The following ZNF831 variants were observed in gnomAD, a reference collection of about 807,000 sequenced individuals.
The protein encoded by ZNF831 is chromosome 20 open reading frame 174.
ZNF831 carries 59 observed loss-of-function variants against 95.8 expected under a neutral mutation model. That is an observed-to-expected ratio of 0.62 (90% CI 0.50 to 0.77). The LOEUF (loss-of-function observed/expected upper bound fraction) is 0.77. ZNF831 is among the 30% of genes least tolerant of loss of function. ZNF831 has a pLI of 0.00. For missense variants in ZNF831, 2,205 were observed against 2,164.0 expected, an observed-to-expected ratio of 1.02 and a Z score of -0.38; for synonymous variants, 961 against 925.5, an observed-to-expected ratio of 1.04 and a Z score of -0.70.
Position 59,253,049 on chromosome 20 carries a change from A to C in ZNF831, c.4099A>C (p.Lys1367Gln). 1 of 1,614,192 alleles carries C rather than the reference A, an allele frequency of 6.2e-7. No homozygotes were observed. The highest frequency in any genetic ancestry group is 8.5e-7 in the Non-Finnish European group (1 of 1,180,014). Residue 1367 changes from lysine to glutamine, a missense_variant, in exon 5 of 6, where the codon AAG (lysine) becomes CAG (glutamine). Coordinates refer to ENST00000371030, the MANE Select transcript of ZNF831 (RefSeq NM_178457.3). ...TCCTTGTTGTGGGAAGGAAGAGAAG[A>C]AGGAAGGTGACTGCAGACAAACCTT... The part of the protein sequence containing the change: ...SPPCCGKEEK[K>Q]EGDCRQTLGT...
In ZNF831 at chr20:59,127,779, G is replaced by A. The variant is rs77926825; in HGVS notation, c.-1425+4274G>A. The stretch of plus-strand genomic sequence containing the variant: ...CTGTAGCACCCTCCACCCCCAGGAA[G>A]CATTTCTCAAATGAGCAAGTATGCC... On this transcript the variant is annotated intron_variant, in intron 1 of 7. Coordinates refer to the ZNF831 transcript ENST00000637017. Among the ~76,000 whole-genome samples the A allele has an allele frequency of 3.5e-3, 527 of 152,370 alleles. 4 individuals carry two copies. The highest frequency in any genetic ancestry group is 2.5e-3 in the Non-Finnish European group (171 of 68,026).
chr20:59,245,567 C>T (rs1351229291), intron 4 of ZNF831, among the ~76,000 whole-genome samples: 1 of 152,178 alleles, frequency 6.6e-6, no homozygotes, highest in Non-Finnish European at 1.5e-5. Flanking sequence ...TGGTCTCCAC[C>T]CACAACATGC....
At position 59,193,285 on chromosome 20, in the gene ZNF831, G is replaced by A. The variant is rs754300464; in HGVS notation, c.2266G>A (p.Glu756Lys). 8.1e-6 allele frequency: 13 copies of A among 1,610,764 alleles called. 1 individual carries two copies. The South Asian group carries it at 1.2e-4, about 15-fold the overall frequency. The stretch of plus-strand genomic sequence containing the variant: ...CCTGGTCTCTCCAAATGGGAGGCTG[G>A]AACTGGGGTGGCAGATGCCCCCAGC... ...SPLVSPNGRLELGWQMPPAPG... is the reference protein window; with the variant it reads ...SPLVSPNGRLKLGWQMPPAPG... The change falls in exon 2 of 6, where the codon GAA becomes AAA. Residue 756 changes from glutamate (E) to lysine (K), a missense_variant. Transcript: ENST00000371030.
chr20:59,172,235 A>G (rs1054943322), intron 1 of ZNF831, among the ~76,000 whole-genome samples: 3 of 152,182 alleles, frequency 2.0e-5, no homozygotes, highest in Non-Finnish European at 4.4e-5. Flanking sequence ...TCAGTTAGTT[A>G]CTGCTAAGAT....
intron 2 of ZNF831, among the ~76,000 whole-genome samples, chr20:59,154,709 A>G (rs1400176755): frequency 1.3e-5 from 2 of 151,994 alleles, no homozygotes; most frequent in African/African-American, 4.8e-5. Flanking sequence ...GACCCTGACA[A>G]CTCATGAGCC....
At chr20:59,210,862 T>A in intron 4 of ZNF831, among the ~76,000 whole-genome samples, 1 of 79,232 alleles carries the variant, frequency 1.3e-5, no homozygotes, top group Admixed American at 1.2e-4. Flanking sequence ...AATCCCCCCG[T>A]CTCTACTAAA....
chr20:59,165,917 T>G lies in ZNF831; in HGVS notation c.-37+1710T>G, dbSNP rs896699149. Among the ~76,000 whole-genome samples, 3 of 152,090 alleles carry G rather than the reference T, an allele frequency of 2.0e-5. No homozygotes were observed. The East Asian group carries it at 5.8e-4, about 30-fold the overall frequency. On this transcript the variant is annotated intron_variant, in intron 1 of 5. Coordinates refer to ENST00000371030, the MANE Select transcript of ZNF831 (RefSeq NM_178457.3). ...GGTGCTCACCACCACAACTGGCTAA[T>G]TTTTTTGTATTTTTAGTAGAGAAGG... is the stretch of plus-strand genomic sequence containing the variant.
chr20:59,143,331 C>T (rs1979739348), intron 1 of ZNF831, among the ~76,000 whole-genome samples: 1 of 152,216 alleles, frequency 6.6e-6, no homozygotes, highest in African/African-American at 2.4e-5. Context: ...ACAGGCTGGG[C>T]TTGGTCTCCA....
intron 1 of ZNF831, among the ~76,000 whole-genome samples, chr20:59,124,625 T>TG: frequency 6.6e-6 from 1 of 152,322 alleles, no homozygotes; most frequent in East Asian, 1.9e-4. Flanking sequence ...TGTCTGTTGC[T>TG]GGGCTCACCA....
intron 4 of ZNF831, among the ~76,000 whole-genome samples, chr20:59,225,979 C>T (rs924191420): frequency 7.2e-5 from 11 of 152,174 alleles, no homozygotes; most frequent in African/African-American, 2.7e-4. Flanking sequence ...TCAGAGTAGA[C>T]GTTCCTTTGG....
At position 59,192,158 on chromosome 20, in the gene ZNF831, GC is replaced by G; in HGVS notation, c.1142del (p.Pro381ArgfsTer153). The G allele has an allele frequency of 6.4e-7, 1 of 1,560,210 alleles. No individual in the cohort carries two copies. The highest frequency in any genetic ancestry group is 8.6e-7 in the Non-Finnish European group (1 of 1,159,520). On this transcript the variant is annotated frameshift_variant, in exon 2 of 6. Transcript: ENST00000371030. LOFTEE classifies it high-confidence loss of function. The surrounding 1 kb of genome is among the most constrained non-coding windows in gnomAD (Gnocchi z 5.2). ...GAGTCCGAGGGGGAGGGCGGCCCGGGCCCGGGGCCAGGGGTCGCAGGGGCCG... is the reference window on the plus strand; with the variant it reads ...GAGTCCGAGGGGGAGGGCGGCCCGGGCCGGGGCCAGGGGTCGCAGGGGCCG... ...SAESEGEGGP[G>X]PGPGVAGAEP...
At chr20:59,220,944 G>A (rs2146672460) in intron 4 of ZNF831, among the ~76,000 whole-genome samples, 1 of 152,300 alleles carries the variant, frequency 6.6e-6, no homozygotes, top group Middle Eastern at 3.4e-3. Flanking sequence ...CTCATCTGTA[G>A]AATGGGGCTG....
At chr20:59,124,829 G>A (rs891683072) in intron 1 of ZNF831, among the ~76,000 whole-genome samples, 1 of 152,204 alleles carries the variant, frequency 6.6e-6, no homozygotes, top group Admixed American at 6.5e-5. Flanking sequence ...CTTTGCTGGT[G>A]GAACCTCTAG....
intron 1 of ZNF831, among the ~76,000 whole-genome samples, chr20:59,165,391 A>G (rs1981178266): frequency 1.3e-5 from 2 of 152,234 alleles, no homozygotes; most frequent in South Asian, 4.1e-4. Context: ...CGTCTGGACA[A>G]ATCACATCTA....
At chr20:59,248,088 G>T (rs1237852115) in intron 4 of ZNF831, among the ~76,000 whole-genome samples, 1 of 152,222 alleles carries the variant, frequency 6.6e-6, no homozygotes, top group Admixed American at 6.5e-5. Flanking sequence ...TCTGAGGGAA[G>T]TTATTAAAAA....
intron 3 of ZNF831, among the ~76,000 whole-genome samples, chr20:59,200,536 A>G (rs138667063): frequency 6.6e-6 from 1 of 152,274 alleles, no homozygotes; most frequent in African/African-American, 2.4e-5. Flanking sequence ...ATTTTGACAT[A>G]TATATATACC....
Position 59,194,371 on chromosome 20 carries a change from C to T in ZNF831, c.3352C>T (p.Pro1118Ser), listed in dbSNP as rs777769572. 3 of 1,611,392 alleles carry T rather than the reference C, an allele frequency of 1.9e-6. No homozygotes were observed. The highest frequency in any genetic ancestry group is 3.3e-5 in the Admixed American group (2 of 59,782). ...TGCCCCAGAAGATCCTTCTTCAGGG[C>T]CCCTGGTGGGCCCCGACCCGTGTTC... ...GNAPEDPSSG[P>S]LVGPDPCSPL... The change falls in exon 2 of 6, where the codon CCC becomes TCC. Residue 1118 changes from proline (P) to serine (S), a missense_variant. Physicochemically the swap from Pro to Ser is moderately conservative, Grantham distance 74. Transcript: ENST00000371030.
At chr20:59,219,591 G>A (rs957209406) in intron 4 of ZNF831, among the ~76,000 whole-genome samples, 2 of 152,124 alleles carry the variant, frequency 1.3e-5, no homozygotes, top group Non-Finnish European at 2.9e-5. Flanking sequence ...TGCTTCCGAC[G>A]CTCACCCCAA....
chr20:59,150,329 A>G (rs1390616144), intron 2 of ZNF831, among the ~76,000 whole-genome samples: 3 of 152,184 alleles, frequency 2.0e-5, no homozygotes, highest in Non-Finnish European at 4.4e-5. Context: ...AAAACAGGAT[A>G]TAAGTCGTAA....
Sources: allele counts gnomAD v4.1 joint callset (sites outside exome capture counted in the v4.1 genomes callset), GRCh38; gene constraint gnomAD v4.1.1; non-coding constraint Gnocchi (gnomAD v3.1); transcripts MANE v1.5; gene names NCBI Gene and HGNC (gene_info 2026-07-23, HGNC 2026-07-21).